TMEM108: variants seen among roughly 807,000 people sequenced by gnomAD.
TMEM108 encodes the protein cancer/testis antigen 124.
TMEM108 carries 12 observed loss-of-function variants against 35.1 expected under a neutral mutation model. That is an observed-to-expected ratio of 0.34 (90% CI 0.22 to 0.55). The LOEUF (loss-of-function observed/expected upper bound fraction) is 0.55. Among genes scored for constraint, TMEM108 ranks in the 20% least tolerant of loss-of-function variants. The pLI is 0.89. For synonymous variants in TMEM108, 287 were observed against 308.6 expected (o/e 0.93, Z 0.73); for missense variants, 680 against 753.3 (o/e 0.90, Z 1.14).
chr3:133,305,705 C>G (rs2071024568), intron 3 of TMEM108, among the ~76,000 whole-genome samples: 1 of 152,012 alleles, frequency 6.6e-6, no homozygotes, highest in African/African-American at 2.4e-5. Context: ...ACATTCCCAT[C>G]AGCAATATAT....
At chr3:133,116,609 C>G (rs1040155303) in intron 2 of TMEM108, among the ~76,000 whole-genome samples, 8 of 152,218 alleles carry the variant, frequency 5.3e-5, no homozygotes, top group Non-Finnish European at 7.4e-5. Flanking sequence ...GACACTCTCC[C>G]CTCAAGGCAA....
intron 2 of TMEM108, among the ~76,000 whole-genome samples, chr3:133,181,195 G>A (rs1035492315): frequency 6.6e-6 from 1 of 152,028 alleles, no homozygotes; most frequent in African/African-American, 2.4e-5. Flanking sequence ...GCATAGGAAG[G>A]TGATAATTCC....
chr3:133,370,921 T>TGTGTGTGCGC (rs142623622), intron 3 of TMEM108, among the ~76,000 whole-genome samples: 1 of 139,290 alleles, frequency 7.2e-6, no homozygotes, highest in South Asian at 2.4e-4. Context: ...TGTGTGTGTG[T>TGTGTGTGCGC]GCCAGGAAGC....
chr3:133,224,507 G>A (rs905620482), intron 2 of TMEM108, among the ~76,000 whole-genome samples: 2 of 152,064 alleles, frequency 1.3e-5, no homozygotes, highest in Non-Finnish European at 2.9e-5. Context: ...GTGGGAAGGG[G>A]GACTCAGTGG....
At chr3:133,250,692 A>G (rs959325809) in intron 3 of TMEM108, among the ~76,000 whole-genome samples, 1 of 152,228 alleles carries the variant, frequency 6.6e-6, no homozygotes. Context: ...ATATTTGCAA[A>G]TCATGAAATG....
chr3:133,120,425 C>T (rs894743246), intron 2 of TMEM108, among the ~76,000 whole-genome samples: 1 of 152,164 alleles, frequency 6.6e-6, no homozygotes, highest in African/African-American at 2.4e-5. Flanking sequence ...AGCCCCTTAA[C>T]CTTTAAAAGT....
At chr3:133,177,078 A>C (rs1226855915) in intron 2 of TMEM108, among the ~76,000 whole-genome samples, 4 of 152,204 alleles carry the variant, frequency 2.6e-5, no homozygotes, top group Non-Finnish European at 5.9e-5. Flanking sequence ...GAAATGGATA[A>C]ATTCCTCGAT....
chr3:133,065,280 G>T (rs986006569), intron 2 of TMEM108, among the ~76,000 whole-genome samples: 4 of 141,532 alleles, frequency 2.8e-5, no homozygotes, highest in Non-Finnish European at 3.2e-5. Context: ...ACTTACATAG[G>T]TAGCCACACA....
intron 2 of TMEM108, among the ~76,000 whole-genome samples, chr3:133,152,565 C>A (rs537188401): frequency 4.6e-5 from 7 of 152,076 alleles, no homozygotes; most frequent in Non-Finnish European, 1.0e-4. Flanking sequence ...CTGTATATCT[C>A]CCCTGGGTTA....
At chr3:133,281,978 A>G (rs1475153437) in intron 3 of TMEM108, among the ~76,000 whole-genome samples, 3 of 152,146 alleles carry the variant, frequency 2.0e-5, no homozygotes, top group African/African-American at 4.8e-5. Flanking sequence ...TAACACGGTG[A>G]AACTCCGTCT....
intron 2 of TMEM108, among the ~76,000 whole-genome samples, chr3:133,144,083 A>G (rs1944679951): frequency 6.6e-6 from 1 of 151,650 alleles, no homozygotes; most frequent in South Asian, 2.1e-4. Context: ...TCAACCTGTC[A>G]TCTATATTAG....
intron 3 of TMEM108, among the ~76,000 whole-genome samples, chr3:133,288,819 C>G (rs1388022663): frequency 6.6e-6 from 1 of 152,062 alleles, no homozygotes; most frequent in Non-Finnish European, 1.5e-5. Flanking sequence ...AGCTCTCTGT[C>G]CTCCATCTCC....
intron 2 of TMEM108, among the ~76,000 whole-genome samples, chr3:133,083,216 G>C (rs1267719408): frequency 8.2e-6 from 1 of 122,410 alleles, no homozygotes; most frequent in Non-Finnish European, 1.6e-5. Context: ...TGGCTTGACT[G>C]TTTCCCATGT....
At chr3:133,069,115 G>A (rs1239155246) in intron 2 of TMEM108, among the ~76,000 whole-genome samples, 1 of 152,148 alleles carries the variant, frequency 6.6e-6, no homozygotes, top group Non-Finnish European at 1.5e-5. Flanking sequence ...CCTAAAGATG[G>A]CACCACCAGT....
At chr3:133,392,152 T>C (rs2073243676) in intron 5 of TMEM108, among the ~76,000 whole-genome samples, 1 of 151,906 alleles carries the variant, frequency 6.6e-6, no homozygotes, top group South Asian at 2.1e-4. Context: ...TTTTTTTTTT[T>C]TTGGTTGTTG....
At chr3:133,088,889 AT>A (rs1943914369) in intron 2 of TMEM108, among the ~76,000 whole-genome samples, 1 of 152,144 alleles carries the variant, frequency 6.6e-6, no homozygotes, top group African/African-American at 2.4e-5. Flanking sequence ...CTATCAGAAA[AT>A]ACACAATGCT....
chr3:133,301,912 C>T (rs1947230452), intron 3 of TMEM108, among the ~76,000 whole-genome samples: 1 of 152,150 alleles, frequency 6.6e-6, no homozygotes, highest in Admixed American at 6.5e-5. Context: ...CCTCCACAAA[C>T]ACACCCACCC....
chr3:133,263,908 C>T (rs1476802634), intron 3 of TMEM108, among the ~76,000 whole-genome samples: 3 of 152,160 alleles, frequency 2.0e-5, no homozygotes, highest in African/African-American at 4.8e-5. Flanking sequence ...ATGGAATAGA[C>T]ATTCTTTCAT....
At chr3:133,241,921 G>C (rs903500255) in intron 3 of TMEM108, among the ~76,000 whole-genome samples, 8 of 152,036 alleles carry the variant, frequency 5.3e-5, no homozygotes, top group Admixed American at 1.3e-4. Context: ...GCCTCCTGTG[G>C]CTTCTACAAC....
Sources: allele counts gnomAD v4.1 joint callset (sites outside exome capture counted in the v4.1 genomes callset), GRCh38; gene constraint gnomAD v4.1.1; transcripts MANE v1.5; gene names NCBI Gene and HGNC (gene_info 2026-07-23, HGNC 2026-07-21).